CPAMD8: variants seen among roughly 807,000 people sequenced by gnomAD.
The protein encoded by CPAMD8 is C3 and PZP like alpha-2-macroglobulin domain containing 8.
Under a neutral mutation model 224.7 loss-of-function variants are expected in CPAMD8, and 146 were observed. The observed-to-expected ratio is 0.65, with a 90% CI of 0.57 to 0.75. The LOEUF (loss-of-function observed/expected upper bound fraction) is 0.75. Ranked by LOEUF, CPAMD8 falls within the 30% of genes least tolerant of loss-of-function variation. CPAMD8 has a pLI of 0.00. For synonymous variants in CPAMD8, 966 were observed against 1,044.6 expected, an observed-to-expected ratio of 0.92 and a Z score of 1.45; for missense variants, 2,301 against 2,537.5, an observed-to-expected ratio of 0.91 and a Z score of 2.00.
chr19:17,013,676 G>A (rs994699517), intron 3 of CPAMD8, among the ~76,000 whole-genome samples: 4 of 151,660 alleles, frequency 2.6e-5, no homozygotes, highest in African/African-American at 4.8e-5. Context: ...CTACTGATGG[G>A]GACAGGGTCT....
chr19:17,013,843 A>C (rs1251557199), intron 3 of CPAMD8, among the ~76,000 whole-genome samples: 1 of 151,698 alleles, frequency 6.6e-6, no homozygotes, highest in Non-Finnish European at 1.5e-5. Context: ...GGAGAAAAAA[A>C]AAAACCACTT....
chr19:17,022,326 GC>G, intron 1 of CPAMD8, 145 bp from the exon 2 acceptor site: 4 of 860,002 alleles, frequency 4.7e-6, no homozygotes, highest in South Asian at 1.8e-5. Flanking sequence ...AGGAGTCTGT[GC>G]CCCCCCATCA....
At chr19:16,998,074 G>A (rs892417658) in intron 10 of CPAMD8, among the ~76,000 whole-genome samples, 2 of 152,232 alleles carry the variant, frequency 1.3e-5, no homozygotes, top group South Asian at 2.1e-4. Context: ...TAGCCTCCCA[G>A]GAGAATGGCT....
chr19:16,908,982 G>A (rs2052624844), intron 29 of CPAMD8, among the ~76,000 whole-genome samples: 1 of 152,182 alleles, frequency 6.6e-6, no homozygotes, highest in African/African-American at 2.4e-5. Context: ...ACCCAGCCCG[G>A]CCCCAGCTGT....
chr19:16,896,116 AGGGAGGTG>A, intron 41 of CPAMD8, 52 bp downstream of exon 41: 5 of 1,328,052 alleles, frequency 3.8e-6, no homozygotes, highest in Non-Finnish European at 4.9e-6. Flanking sequence ...TTGGTAGGGG[AGGGAGGTG>A]GGGAGATATT....
At chr19:17,009,162 T>C (rs2056579447) in intron 6 of CPAMD8, 141 bp downstream of exon 6, 3 of 1,399,582 alleles carry the variant, frequency 2.1e-6, no homozygotes, top group Non-Finnish European at 3.0e-6. Flanking sequence ...GGGACCAGGA[T>C]AGAAGAGGCC....
intron 5 of CPAMD8, 44 bp downstream of exon 5, chr19:17,011,420 A>G: frequency 1.2e-6 from 2 of 1,610,336 alleles, no homozygotes; most frequent in African/African-American, 1.3e-5. Flanking sequence ...AGGTAGTCCC[A>G]AGTGGGTGCA....
At position 16,997,215 on chromosome 19, in the gene CPAMD8, C is replaced by T. The variant is rs1399809807; in HGVS notation, c.991G>A (p.Val331Ile). The change falls in exon 11 of 42, where the codon GTC becomes ATC. Residue 331 changes from valine (V) to isoleucine (I), a missense_variant. By Grantham distance (29) the Val-to-Ile change is conservative. Around this residue, in one of 4 missense-constraint regions of CPAMD8, gnomAD observed 301 missense variants for 406.6 expected, o/e 0.74. Coordinates refer to ENST00000443236, the MANE Select transcript of CPAMD8 (RefSeq NM_015692.5). ...MVTSVDGSQQ[V>I]AFDDSTPVQR... ...ACGGGGGTGGAGTCATCGAACGCGA[C>T]CTGCTGGCTCCCGTCCACACTGGTC... 1 of 1,565,542 alleles carries T rather than the reference C, an allele frequency of 6.4e-7. No individual in the cohort carries two copies. Among genetic ancestry groups the T allele is most frequent in the Admixed American group, 1.7e-5 (1 of 59,852 alleles).
chr19:16,992,772 T>C (rs1245219180), intron 12 of CPAMD8, among the ~76,000 whole-genome samples: 1 of 152,006 alleles, frequency 6.6e-6, no homozygotes, highest in Non-Finnish European at 1.5e-5. Context: ...AATTTAAAAA[T>C]TAGCTGGGTG....
chr19:17,015,851 G>C (rs1284450360), intron 3 of CPAMD8, among the ~76,000 whole-genome samples: 1 of 152,164 alleles, frequency 6.6e-6, no homozygotes, highest in Non-Finnish European at 1.5e-5. Flanking sequence ...AGCACATAAA[G>C]GGGGCCGACC....
At chr19:17,023,252 G>A (rs2057003905) in intron 1 of CPAMD8, among the ~76,000 whole-genome samples, 1 of 152,106 alleles carries the variant, frequency 6.6e-6, no homozygotes, top group Non-Finnish European at 1.5e-5. Flanking sequence ...CAGAAGAATA[G>A]GAACATGCAC....
intron 4 of CPAMD8, 30 bp from the exon 5 acceptor site, chr19:17,011,546 C>T (rs2056650077): frequency 6.2e-7 from 1 of 1,614,072 alleles, no homozygotes; most frequent in Non-Finnish European, 8.5e-7. Flanking sequence ...CGTGTGACAC[C>T]TCCAGACCAT....
intron 9 of CPAMD8, 98 bp downstream of exon 9, chr19:17,002,168 G>C: frequency 2.6e-6 from 2 of 766,442 alleles, no homozygotes; most frequent in Non-Finnish European, 4.4e-6. Flanking sequence ...GGGAGGGAGG[G>C]AGGCAGCAGA....
chr19:16,952,094 C>T lies in CPAMD8; in HGVS notation c.2383G>A (p.Glu795Lys), dbSNP rs773334407. ...TTGAAGGTCTTCAGCAGGGAGGGCT[C>T]GGCGATGCCTAAGCCCTGAGAGGTG... ...LSTSQGLGIA[E>K]PSLLKTFKPF... The change falls in exon 20 of 42, where the codon GAG becomes AAG. Residue 795 changes from glutamate (E) to lysine (K), a missense_variant. Physicochemically the swap from Glu to Lys is moderately conservative, Grantham distance 56. Transcript: ENST00000443236. The T allele has an allele frequency of 1.3e-5, 20 of 1,557,538 alleles. No individual in the cohort carries two copies. In the East Asian group the frequency reaches 1.4e-4, roughly 11 times the overall value.
intron 41 of CPAMD8, chr19:16,895,932 C>A (rs1199579517): frequency 4.6e-6 from 3 of 651,384 alleles, no homozygotes; most frequent in Non-Finnish European, 8.5e-6. Flanking sequence ...CACACACGCG[C>A]GCGTGCGCCC....
At chr19:16,932,372 G>A (rs538357796) in intron 23 of CPAMD8, among the ~76,000 whole-genome samples, 17 of 152,226 alleles carry the variant, frequency 1.1e-4, no homozygotes, top group Admixed American at 9.8e-4. Context: ...AGTGAGCCAT[G>A]ATTGTGCCAC....
intron 32 of CPAMD8, 146 bp downstream of exon 32, chr19:16,904,080 C>T: frequency 8.9e-6 from 9 of 1,014,536 alleles, no homozygotes; most frequent in Non-Finnish European, 1.3e-5. Flanking sequence ...GGGCATCTGT[C>T]CCTCACCCCC....
At chr19:16,967,670 A>G (rs1413081088) in intron 18 of CPAMD8, among the ~76,000 whole-genome samples, 2 of 151,442 alleles carry the variant, frequency 1.3e-5, no homozygotes, top group African/African-American at 4.8e-5. Flanking sequence ...TTAGCCAGGC[A>G]TGGTGGTGGG....
chr19:16,906,924 G>A (rs1568460546), intron 30 of CPAMD8, 28 bp downstream of exon 30: 1 of 1,564,154 alleles, frequency 6.4e-7, no homozygotes, highest in African/African-American at 1.3e-5. Flanking sequence ...CGACGCTGTG[G>A]CCTCTGGGGA....
Sources: gnomAD v4.1 joint callset for allele counts (sites outside exome capture counted in the v4.1 genomes callset) on GRCh38, gnomAD v4.1.1 for gene constraint, gnomAD v4.1.1 regional missense constraint, MANE v1.5 for transcripts, NCBI Gene and HGNC (gene_info 2026-07-23, HGNC 2026-07-21) for gene names.